Variants in HCN1 observed in about 807,000 individuals in gnomAD.
HCN1 encodes potassium/sodium hyperpolarization-activated cyclic nucleotide-gated channel 1.
Under a neutral mutation model 78.9 loss-of-function variants are expected in HCN1, and 13 were observed. That is an observed-to-expected ratio of 0.16 (90% CI 0.11 to 0.26). HCN1 has a LOEUF of 0.26. Ranked by LOEUF, HCN1 falls within the 10% of genes least tolerant of loss-of-function variation. The pLI is 1.00. For missense variants in HCN1, 810 were observed against 1,154.3 expected, an observed-to-expected ratio of 0.70 and a Z score of 4.32; for synonymous variants, 552 against 455.5, an observed-to-expected ratio of 1.21 and a Z score of -2.70.
At chr5:45,637,225 T>C (rs1242752068) in intron 2 of HCN1, among the ~76,000 whole-genome samples, 1 of 152,176 alleles carries the variant, frequency 6.6e-6, no homozygotes, top group Non-Finnish European at 1.5e-5. Context: ...CTAGAACCTC[T>C]CTTCTACTCC....
At chr5:45,373,380 T>G (rs1156883351) in intron 4 of HCN1, among the ~76,000 whole-genome samples, 1 of 111,842 alleles carries the variant, frequency 8.9e-6, no homozygotes. Flanking sequence ...ATATTTTATA[T>G]AATATATGTA....
At chr5:45,505,623 A>T (rs1714394855) in intron 2 of HCN1, among the ~76,000 whole-genome samples, 1 of 152,166 alleles carries the variant, frequency 6.6e-6, no homozygotes, top group South Asian at 2.1e-4. Context: ...AAATTATAAC[A>T]TTCTATTTTT....
intron 2 of HCN1, among the ~76,000 whole-genome samples, chr5:45,497,729 GTTCCT>G (rs1742077242): frequency 6.6e-6 from 1 of 152,164 alleles, no homozygotes; most frequent in South Asian, 2.1e-4. Flanking sequence ...GGTACTGGTT[GTTCCT>G]TTCCATGTTT....
chr5:45,449,925 A>G (rs1740882203), intron 3 of HCN1, among the ~76,000 whole-genome samples: 1 of 152,008 alleles, frequency 6.6e-6, no homozygotes, highest in African/African-American at 2.4e-5. Flanking sequence ...CTCTGCCTCC[A>G]GGGTTCACGC....
intron 6 of HCN1, among the ~76,000 whole-genome samples, chr5:45,300,463 CTATT>C (rs1188699841): frequency 3.3e-5 from 5 of 151,906 alleles, no homozygotes; most frequent in Admixed American, 2.0e-4. Flanking sequence ...TTATGATGAT[CTATT>C]TATTATGATG....
chr5:45,557,573 T>C (rs1743497785), intron 2 of HCN1, among the ~76,000 whole-genome samples: 1 of 152,152 alleles, frequency 6.6e-6, no homozygotes, highest in South Asian at 2.1e-4. Context: ...ATTGAGGCTT[T>C]TGCAACCCTG....
chr5:45,519,894 T>C (rs943768299), intron 2 of HCN1, among the ~76,000 whole-genome samples: 1 of 152,030 alleles, frequency 6.6e-6, no homozygotes, highest in Non-Finnish European at 1.5e-5. Flanking sequence ...AGGTGATTTT[T>C]ACCTAATAAT....
chr5:45,548,214 T>TA (rs887725288), intron 2 of HCN1, among the ~76,000 whole-genome samples: 58 of 151,750 alleles, frequency 3.8e-4, no homozygotes, highest in Non-Finnish European at 4.4e-4. Context: ...CTTATAAACT[T>TA]AAAAAAAACA....
At chr5:45,426,086 G>A (rs1740341224) in intron 3 of HCN1, among the ~76,000 whole-genome samples, 1 of 152,074 alleles carries the variant, frequency 6.6e-6, no homozygotes, top group East Asian at 1.9e-4. Flanking sequence ...TCTTAAAGTA[G>A]GGTTTCATCT....
In HCN1 at chr5:45,258,812, G is replaced by C. The variant is rs1158414547; in HGVS notation, c.*3109C>G. ...CCAAGGCCCTATTATAACAAAATAG[G>C]TATGTTATAAAACTATTATAACAAA... is the stretch of plus-strand genomic sequence containing the variant. On this transcript the variant is annotated 3_prime_UTR_variant, in exon 8 of 8. Coordinates refer to ENST00000303230, the MANE Select transcript of HCN1 (RefSeq NM_021072.4). The C allele has an allele frequency of 1.3e-5, 2 of 151,648 alleles. No homozygotes were observed. The highest frequency in any genetic ancestry group is 2.9e-5 in the Non-Finnish European group (2 of 67,874). 9.4% of individuals were successfully genotyped at this position (151,648 alleles called of 1,614,324 possible).
At chr5:45,274,647 T>C (rs1745019817) in intron 6 of HCN1, among the ~76,000 whole-genome samples, 1 of 152,178 alleles carries the variant, frequency 6.6e-6, no homozygotes, top group Admixed American at 6.6e-5. Flanking sequence ...CAAATAAAAG[T>C]AATGCTTCAC....
chr5:45,588,887 T>C (rs987176268), intron 2 of HCN1, among the ~76,000 whole-genome samples: 4 of 152,210 alleles, frequency 2.6e-5, no homozygotes, highest in Non-Finnish European at 5.9e-5. Context: ...TCACGCCTGA[T>C]AAAAATAGTT....
chr5:45,566,896 G>C (rs942765010), intron 2 of HCN1, among the ~76,000 whole-genome samples: 6 of 152,150 alleles, frequency 3.9e-5, no homozygotes, highest in African/African-American at 1.4e-4. Context: ...TATTAGGTGA[G>C]CCATACACAT....
intron 4 of HCN1, among the ~76,000 whole-genome samples, chr5:45,360,875 T>C (rs1747094434): frequency 6.6e-6 from 1 of 152,116 alleles, no homozygotes; most frequent in Admixed American, 6.6e-5. Context: ...TTTATCTTCA[T>C]TTTATATTTC....
Position 45,533,291 on chromosome 5 carries a change from CA to C in HCN1, c.850-71285del, listed in dbSNP as rs963271123. 4.0e-4 allele frequency among the ~76,000 whole-genome samples: 60 copies of C among 151,220 alleles called. 1 individual carries two copies. In the East Asian group the frequency reaches 7.6e-3, roughly 19 times the overall value. ...ATAACTCAAAAATATAATCAATCCA[CA>C]AAAAAAAACTCATAAAAGCAAAATC... On this transcript the variant is annotated intron_variant, in intron 2 of 7. Coordinates refer to ENST00000303230, the MANE Select transcript of HCN1 (RefSeq NM_021072.4).
chr5:45,352,678 GT>G (rs1475006135), intron 5 of HCN1, among the ~76,000 whole-genome samples: 1 of 151,776 alleles, frequency 6.6e-6, no homozygotes, highest in Non-Finnish European at 1.5e-5. Context: ...GTTGCAAAGT[GT>G]TTGAATGAGA....
At chr5:45,335,184 C>T (rs993556357) in intron 5 of HCN1, among the ~76,000 whole-genome samples, 3 of 151,918 alleles carry the variant, frequency 2.0e-5, no homozygotes, top group African/African-American at 7.2e-5. Flanking sequence ...CTCAGAAGGG[C>T]ATTAACCTCT....
At chr5:45,527,726 T>C (rs1742768584) in intron 2 of HCN1, among the ~76,000 whole-genome samples, 2 of 151,922 alleles carry the variant, frequency 1.3e-5, no homozygotes, top group South Asian at 2.1e-4. Context: ...ATTTTAAACG[T>C]CTCTTTTCTC....
rs774828079 is a variant in HCN1 at position 45,695,701 on chromosome 5, G to A, written c.393C>T (p.Gly131=). ...CACTGTAAGGGTGGATAATCCAGAA[G>A]CCTGCAGTTTTAACCCTTTCCTGCT... ...EKEQERVKTA[G]FWIIHPYSDF... The change falls in exon 1 of 8, where the codon GGC becomes GGT. Residue 131 remains glycine, a synonymous_variant. Coordinates refer to ENST00000303230, the MANE Select transcript of HCN1 (RefSeq NM_021072.4). 3 of 1,612,504 alleles carry A rather than the reference G, an allele frequency of 1.9e-6. No homozygotes were observed. Among genetic ancestry groups the A allele is most frequent in the East Asian group, 4.5e-5 (2 of 44,824 alleles).
Sources: allele counts gnomAD v4.1 joint callset (sites outside exome capture counted in the v4.1 genomes callset), GRCh38; gene constraint gnomAD v4.1.1; transcripts MANE v1.5; gene names NCBI Gene and HGNC (gene_info 2026-07-23, HGNC 2026-07-21).